The following IMMP2L variants were observed in gnomAD, a reference collection of about 807,000 sequenced individuals.
The protein encoded by IMMP2L is mitochondrial inner membrane protease subunit 2.
IMMP2L carries 18 observed loss-of-function variants against 19.3 expected under a neutral mutation model. The observed-to-expected ratio is 0.93, with a 90% CI of 0.64 to 1.38. IMMP2L has a LOEUF of 1.38. IMMP2L is among the 40% of genes most tolerant of loss of function. IMMP2L has a pLI of 0.00. For synonymous variants in IMMP2L, 76 were observed against 73.0 expected, an observed-to-expected ratio of 1.04 and a Z score of -0.21; for missense variants, 233 against 218.2, an observed-to-expected ratio of 1.07 and a Z score of -0.43.
intron 3 of IMMP2L, among the ~76,000 whole-genome samples, chr7:111,155,704 A>T (rs946445167): frequency 6.6e-6 from 1 of 152,008 alleles, no homozygotes; most frequent in Admixed American, 6.6e-5. Flanking sequence ...ACAGACAGTC[A>T]TGTTTTCTAC....
intron 3 of IMMP2L, among the ~76,000 whole-genome samples, chr7:111,467,192 G>A (rs1310013835): frequency 6.6e-6 from 1 of 152,124 alleles, no homozygotes; most frequent in Non-Finnish European, 1.5e-5. Flanking sequence ...GTGACCTTGG[G>A]CAAGTCACCC....
At chr7:111,218,760 T>C (rs1463788395) in intron 3 of IMMP2L, among the ~76,000 whole-genome samples, 1 of 152,050 alleles carries the variant, frequency 6.6e-6, no homozygotes, top group Non-Finnish European at 1.5e-5. Context: ...CGTACATCAA[T>C]GTCACTCACT....
At chr7:111,396,841 T>C (rs1052826689) in intron 3 of IMMP2L, among the ~76,000 whole-genome samples, 2 of 152,040 alleles carry the variant, frequency 1.3e-5, no homozygotes, top group African/African-American at 2.4e-5. Context: ...TCCCAGCACT[T>C]TGGGAGGCCG....
intron 3 of IMMP2L, among the ~76,000 whole-genome samples, chr7:111,464,788 A>C (rs1439320737): frequency 6.6e-6 from 1 of 151,336 alleles, no homozygotes; most frequent in East Asian, 2.0e-4. Context: ...ACTCTTTTTT[A>C]TTTTATTTTA....
In IMMP2L at chr7:111,174,231, T is replaced by TTCAGTCC. The variant is rs796086508; in HGVS notation, c.240-210673_240-210667dup. Among the ~76,000 whole-genome samples, 11 of 151,752 alleles carry TTCAGTCC rather than the reference T, an allele frequency of 7.2e-5. No individual in the cohort carries two copies. The East Asian group carries it at 2.1e-3, about 30-fold the overall frequency. On this transcript the variant is annotated intron_variant, in intron 3 of 5. Coordinates refer to ENST00000405709, the MANE Select transcript of IMMP2L (RefSeq NM_032549.4). ...TTCACAACTGAACAACTCTAAAAGT[T>TTCAGTCC]TCAGTCCTTTAACATAGTTAATCTC... is the stretch of plus-strand genomic sequence containing the variant.
At chr7:111,237,356 A>T (rs1427450767) in intron 3 of IMMP2L, among the ~76,000 whole-genome samples, 6 of 152,016 alleles carry the variant, frequency 3.9e-5, no homozygotes, top group Admixed American at 3.9e-4. Context: ...TCCTGTTTTG[A>T]TTTACTGGAA....
chr7:111,208,041 T>A (rs1296228707), intron 3 of IMMP2L, among the ~76,000 whole-genome samples: 3 of 152,122 alleles, frequency 2.0e-5, no homozygotes. Flanking sequence ...CCAAACAAAC[T>A]ATTATTAGCT....
At chr7:110,741,262 A>G (rs1323007227) in intron 5 of IMMP2L, among the ~76,000 whole-genome samples, 1 of 152,226 alleles carries the variant, frequency 6.6e-6, no homozygotes, top group Non-Finnish European at 1.5e-5. Flanking sequence ...TCACTCATAT[A>G]TGGACACGAC....
At chr7:110,802,288 G>C (rs1034096922) in intron 5 of IMMP2L, among the ~76,000 whole-genome samples, 10 of 150,894 alleles carry the variant, frequency 6.6e-5, no homozygotes, top group African/African-American at 2.4e-4. Flanking sequence ...TATTTCAAAA[G>C]GAATTTTTCT....
chr7:110,862,396 G>GTGGCACAA (rs1807536754), intron 5 of IMMP2L, among the ~76,000 whole-genome samples: 3 of 151,664 alleles, frequency 2.0e-5, no homozygotes, highest in South Asian at 4.2e-4. Flanking sequence ...CTGGAGTGTA[G>GTGGCACAA]TGGCACAATC....
At chr7:111,196,299 T>G (rs1177242509) in intron 3 of IMMP2L, among the ~76,000 whole-genome samples, 1 of 152,224 alleles carries the variant, frequency 6.6e-6, no homozygotes, top group Non-Finnish European at 1.5e-5. Flanking sequence ...GCTAGCCTTT[T>G]ATACCATGCT....
chr7:110,788,694 A>C (rs1235723325), intron 5 of IMMP2L, among the ~76,000 whole-genome samples: 1 of 151,576 alleles, frequency 6.6e-6, no homozygotes, highest in Non-Finnish European at 1.5e-5. Context: ...AATCGAATTA[A>C]TTTTGCGCTC....
intron 4 of IMMP2L, among the ~76,000 whole-genome samples, chr7:110,929,592 T>C (rs572774464): frequency 6.6e-6 from 1 of 152,198 alleles, no homozygotes; most frequent in Non-Finnish European, 1.5e-5. Context: ...TGTGCTTCAC[T>C]GAAACTGCAC....
At chr7:111,316,390 T>C (rs1824082036) in intron 3 of IMMP2L, among the ~76,000 whole-genome samples, 1 of 152,086 alleles carries the variant, frequency 6.6e-6, no homozygotes, top group Admixed American at 6.6e-5. Flanking sequence ...CAGAATATAT[T>C]TCATTATGTT....
chr7:110,981,186 CAAAGAAG>C (rs1821256815), intron 3 of IMMP2L, among the ~76,000 whole-genome samples: 1 of 151,718 alleles, frequency 6.6e-6, no homozygotes, highest in Non-Finnish European at 1.5e-5. Context: ...AATTTTTAGA[CAAAGAAG>C]AAAGTTGTGT....
At position 111,500,264 on chromosome 7, in the gene IMMP2L, G is replaced by A. The variant is rs112040910; in HGVS notation, c.136-12923C>T. Among the ~76,000 whole-genome samples, 974 of 152,120 alleles carry A rather than the reference G, an allele frequency of 6.4e-3. 12 individuals are homozygous for A. Among genetic ancestry groups the A allele is most frequent in the African/African-American group, 0.021 (852 of 41,550 alleles). On this transcript the variant is annotated intron_variant, in intron 2 of 5. Transcript: ENST00000405709. ...GCGGCAGCGAGGCTGGGGAAGGGGC[G>A]CCTGCCATTGCCGAGGCTCGATTAG...
At chr7:110,900,825 G>A (rs949892866) in intron 4 of IMMP2L, among the ~76,000 whole-genome samples, 4 of 152,002 alleles carry the variant, frequency 2.6e-5, no homozygotes, top group East Asian at 1.9e-4. Context: ...AGGGTGGGTC[G>A]GGGTGGTGGG....
At chr7:110,895,712 T>C (rs954930606) in intron 4 of IMMP2L, among the ~76,000 whole-genome samples, 6 of 152,202 alleles carry the variant, frequency 3.9e-5, no homozygotes, top group African/African-American at 1.4e-4. Context: ...TGTTCTGTTG[T>C]GGGACTGATA....
At chr7:111,164,852 GT>G (rs1805651102) in intron 3 of IMMP2L, among the ~76,000 whole-genome samples, 1 of 151,952 alleles carries the variant, frequency 6.6e-6, no homozygotes, top group Non-Finnish European at 1.5e-5. Context: ...GTTATTTATT[GT>G]TTTGGGTGTG....
Sources: gnomAD v4.1 joint callset for allele counts (sites outside exome capture counted in the v4.1 genomes callset) on GRCh38, gnomAD v4.1.1 for gene constraint, MANE v1.5 for transcripts, NCBI Gene and HGNC (gene_info 2026-07-23, HGNC 2026-07-21) for gene names.